The following ZNF718 variants were observed in gnomAD, a reference collection of about 807,000 sequenced individuals.
The protein encoded by ZNF718 is zinc finger protein 718.
A neutral mutation model predicts 2.6 loss-of-function variants in ZNF718; 3 were observed. That is an observed-to-expected ratio of 1.16 (90% CI 0.53 to 3.01). The LOEUF (loss-of-function observed/expected upper bound fraction) is 3.01, where lower values mean the gene tolerates loss of function less well. Among genes scored for constraint, ZNF718 ranks in the 30% most tolerant of loss-of-function variants. ZNF718 has a pLI of 0.03. For synonymous variants in ZNF718, 135 were observed against 77.9 expected, an observed-to-expected ratio of 1.73 and a Z score of -3.86; for missense variants, 468 against 230.0, an observed-to-expected ratio of 2.03 and a Z score of -6.69.
intron 3 of ZNF718, among the ~76,000 whole-genome samples, chr4:171,206 A>C (rs1157192137): frequency 6.6e-6 from 1 of 152,084 alleles, no homozygotes; most frequent in East Asian, 1.9e-4. Context: ...TTCCTCTGGA[A>C]GTTTTGTCTC....
At chr4:142,668 C>T (rs1163033214) in intron 3 of ZNF718, among the ~76,000 whole-genome samples, 5 of 152,200 alleles carry the variant, frequency 3.3e-5, no homozygotes, top group African/African-American at 1.2e-4. Flanking sequence ...ACACAATAGA[C>T]TTTAAATTCT....
At chr4:181,737 T>A (rs1422427909) in intron 3 of ZNF718, among the ~76,000 whole-genome samples, 3 of 152,124 alleles carry the variant, frequency 2.0e-5, no homozygotes, top group Non-Finnish European at 2.9e-5. Flanking sequence ...TGTGCCATGG[T>A]GGTTTGCTGC....
At chr4:192,320 A>G (rs901009268) in intron 3 of ZNF718, among the ~76,000 whole-genome samples, 3 of 152,178 alleles carry the variant, frequency 2.0e-5, no homozygotes, top group Admixed American at 6.5e-5. Flanking sequence ...TTATATCCCA[A>G]TCATTGTCCC....
Position 163,410 on chromosome 4 carries a change from G to A in ZNF718, c.*1288G>A, listed in dbSNP as rs1236829869. The A allele has an allele frequency of 7.2e-5, 11 of 152,068 alleles. No homozygotes were observed. The highest frequency in any genetic ancestry group is 2.1e-4 in the South Asian group (1 of 4,818). The allele number at this position is 152,068 out of a possible 1,614,324, so 9.4% of individuals were successfully genotyped here. ...TCACCGTTTTAGCCGGGATGGTCTC[G>A]ATCTCCTGACCTCGTGATCCGCCCG... On this transcript the variant is annotated 3_prime_UTR_variant, in exon 4 of 4. Transcript: ENST00000510175.
downstream of ZNF718, among the ~76,000 whole-genome samples, chr4:165,157 A>AT (rs1362506667): frequency 1.3e-5 from 2 of 152,116 alleles, no homozygotes; most frequent in African/African-American, 4.8e-5. Flanking sequence ...TGTTCTCTTC[A>AT]TGCCATGTAA....
chr4:150,055 GACTT>G (rs1207603400), intron 3 of ZNF718: 3 of 148,686 alleles, frequency 2.0e-5, no homozygotes, highest in African/African-American at 7.3e-5. Context: ...AACACCATTT[GACTT>G]ACTGTTTTTA....
rs575719535 is a variant in ZNF718, at chr4:135,610, C to T, written c.226+4105C>T. On this transcript the variant is annotated intron_variant, in intron 3 of 3. Transcript: ENST00000510175. Reference sequence around the variant, plus strand: ...TTGCCCTAGGCAGTACCCAGCTTGACGGTTTAGCTTAGTGATTTTGGGGGC... The same window carrying T: ...TTGCCCTAGGCAGTACCCAGCTTGATGGTTTAGCTTAGTGATTTTGGGGGC... Among the ~76,000 whole-genome samples the T allele has an allele frequency of 4.6e-4, 70 of 151,648 alleles. No homozygotes were observed. The East Asian group carries it at 5.7e-3, about 12-fold the overall frequency.
At chr4:198,725 G>A (rs1223175684) in intron 3 of ZNF718, among the ~76,000 whole-genome samples, 1 of 152,198 alleles carries the variant, frequency 6.6e-6, no homozygotes, top group African/African-American at 2.4e-5. Context: ...AGTCTGCAGG[G>A]AAAAGATGTT....
chr4:163,353 T>A lies in ZNF718; in HGVS notation c.*1231T>A, dbSNP rs1716987749. 6.6e-6 allele frequency: 1 copy of A among 152,084 alleles called. No individual in the cohort carries two copies. Among genetic ancestry groups the A allele is most frequent in the Non-Finnish European group, 1.5e-5 (1 of 68,000 alleles). 9.4% of individuals were successfully genotyped at this position (152,084 alleles called of 1,614,324 possible). A position where few individuals can be genotyped will look rare whatever the true frequency, so the allele number is the denominator to read the frequency against. On this transcript the variant is annotated 3_prime_UTR_variant, in exon 4 of 4. Coordinates refer to ENST00000510175, the MANE Select transcript of ZNF718 (RefSeq NM_001039127.6). ...ACAGGCGCCCGCCACTACGCCCGGCTAATTTTTTGTATTTTTAGTAGAGAC... is the reference window on the plus strand; with the variant it reads ...ACAGGCGCCCGCCACTACGCCCGGCAAATTTTTTGTATTTTTAGTAGAGAC...
At chr4:201,851 C>A in exon 5 of ZNF718, 1 of 192,440 alleles carries the variant, frequency 5.2e-6, no homozygotes. Flanking sequence ...GTACAAAATA[C>A]CTGCTTTTAG....
chr4:135,350 T>C (rs942425169), intron 3 of ZNF718, among the ~76,000 whole-genome samples: 4 of 151,722 alleles, frequency 2.6e-5, no homozygotes, highest in South Asian at 2.1e-4. Flanking sequence ...CACAGCTTGG[T>C]TTTATACATT....
downstream of ZNF718, among the ~76,000 whole-genome samples, chr4:165,729 G>T: frequency 6.6e-6 from 1 of 152,210 alleles, no homozygotes; most frequent in East Asian, 1.9e-4. Flanking sequence ...AACCCGGGAG[G>T]TGGAGGTTGC....
At chr4:181,564 G>A (rs1348781081) in intron 3 of ZNF718, among the ~76,000 whole-genome samples, 1 of 151,700 alleles carries the variant, frequency 6.6e-6, no homozygotes, top group Non-Finnish European at 1.5e-5. Context: ...AAATTTCTTG[G>A]CATCTTTGAC....
chr4:146,925 A>C (rs1316673254), intron 3 of ZNF718, among the ~76,000 whole-genome samples: 1 of 152,022 alleles, frequency 6.6e-6, no homozygotes, highest in East Asian at 1.9e-4. Flanking sequence ...TGTTGCAAAA[A>C]AATTTAGTAA....
At chr4:181,121 AGGAGCTG>A (rs1553819744) in intron 3 of ZNF718, among the ~76,000 whole-genome samples, 1 of 131,360 alleles carries the variant, frequency 7.6e-6, no homozygotes. Flanking sequence ...TCCTCTCCTG[AGGAGCTG>A]GGACTACAGG....
chr4:164,461 A>T (rs949110815), downstream of ZNF718, among the ~76,000 whole-genome samples: 1 of 152,138 alleles, frequency 6.6e-6, no homozygotes. Context: ...TGTAGAATCT[A>T]ATGGATCATT....
chr4:170,246 G>A (rs1301961775), intron 3 of ZNF718, among the ~76,000 whole-genome samples: 1 of 152,110 alleles, frequency 6.6e-6, no homozygotes, highest in Non-Finnish European at 1.5e-5. Context: ...TCCCTTTGTG[G>A]GTAACCCGAC....
intron 3 of ZNF718, among the ~76,000 whole-genome samples, chr4:178,301 G>A (rs1353643796): frequency 6.6e-6 from 1 of 151,922 alleles, no homozygotes; most frequent in African/African-American, 2.4e-5. Context: ...ACTACACCTG[G>A]CTAATTTTTG....
intron 3 of ZNF718, among the ~76,000 whole-genome samples, chr4:170,714 C>A (rs1717205886): frequency 6.6e-6 from 1 of 152,070 alleles, no homozygotes; most frequent in Admixed American, 6.6e-5. Context: ...CCCTTAAGGA[C>A]TTCTCTGCAT....
Sources: allele counts gnomAD v4.1 joint callset (sites outside exome capture counted in the v4.1 genomes callset), GRCh38; gene constraint gnomAD v4.1.1; transcripts MANE v1.5; gene names NCBI Gene and HGNC (gene_info 2026-07-23, HGNC 2026-07-21).